Variants in NCK2 observed in about 807,000 individuals in gnomAD.
NCK2 encodes cytoplasmic protein NCK2.
Under a neutral mutation model 33.9 loss-of-function variants are expected in NCK2, and 16 were observed. That is an observed-to-expected ratio of 0.47 (90% CI 0.32 to 0.72). The LOEUF is 0.72. NCK2 is among the 30% of genes least tolerant of loss of function. The pLI is 0.03. For synonymous variants in NCK2, 273 were observed against 239.9 expected, an observed-to-expected ratio of 1.14 and a Z score of -1.27; for missense variants, 418 against 537.3, an observed-to-expected ratio of 0.78 and a Z score of 2.19.
At chr2:105,806,582 A>G (rs1675054271) in intron 1 of NCK2, among the ~76,000 whole-genome samples, 1 of 152,128 alleles carries the variant, frequency 6.6e-6, no homozygotes. Context: ...GATTGTTTCC[A>G]TATCTTTATT....
Position 105,835,424 on chromosome 2 carries a change from T to TA in NCK2, c.-17+18811_-17+18812insA, listed in dbSNP as rs1553458625. Among the ~76,000 whole-genome samples the TA allele has an allele frequency of 2.4e-3, 293 of 122,492 alleles. 10 individuals carry two copies. The highest frequency in any genetic ancestry group is 4.5e-3 in the African/African-American group (161 of 35,566). 80.4% of individuals were successfully genotyped at this position (122,492 alleles called of 152,430 possible). A position where few individuals can be genotyped will look rare whatever the true frequency, so the allele number is the denominator to read the frequency against. Reference sequence around the variant, plus strand: ...ATATATACGTGTATATATATATATATTTTTTTTTTGGTCAGCATTTTGAAT... The same window carrying TA: ...ATATATACGTGTATATATATATATATATTTTTTTTTGGTCAGCATTTTGAAT... On this transcript the variant is annotated intron_variant, in intron 2 of 4. Coordinates refer to ENST00000233154, the MANE Select transcript of NCK2 (RefSeq NM_003581.5).
chr2:105,793,779 A>C (rs1459255302), intron 1 of NCK2, among the ~76,000 whole-genome samples: 1 of 152,164 alleles, frequency 6.6e-6, no homozygotes, highest in African/African-American at 2.4e-5. Context: ...TGTAGTCCTT[A>C]ATAATCACAC....
intron 1 of NCK2, among the ~76,000 whole-genome samples, chr2:105,770,124 T>TAAAAA (rs76726445): frequency 1.6e-5 from 2 of 126,754 alleles, no homozygotes; most frequent in African/African-American, 5.6e-5. Context: ...CACTAATAAG[T>TAAAAA]AAAAAAAAAA....
chr2:105,768,216 T>C (rs572133828), intron 1 of NCK2, among the ~76,000 whole-genome samples: 1 of 152,292 alleles, frequency 6.6e-6, no homozygotes, highest in South Asian at 2.1e-4. Context: ...TAGAGTCCAG[T>C]GTGTGTTTGC....
intron 1 of NCK2, among the ~76,000 whole-genome samples, chr2:105,794,559 A>G (rs757239739): frequency 2.6e-5 from 4 of 152,146 alleles, no homozygotes; most frequent in Non-Finnish European, 5.9e-5. Flanking sequence ...CACAGGGGAA[A>G]TACAGTCCAA....
intron 1 of NCK2, among the ~76,000 whole-genome samples, chr2:105,762,969 C>T (rs999755672): frequency 1.3e-5 from 2 of 152,142 alleles, no homozygotes; most frequent in African/African-American, 2.4e-5. Flanking sequence ...CCGACGTAGG[C>T]GGATTGCCTG....
intron 1 of NCK2, among the ~76,000 whole-genome samples, chr2:105,805,282 C>T (rs1350829519): frequency 1.3e-5 from 2 of 152,074 alleles, no homozygotes; most frequent in African/African-American, 2.4e-5. Context: ...ATAGCAGACG[C>T]GAGGGCAAAG....
chr2:105,854,245 C>G (rs1677174559), intron 2 of NCK2, among the ~76,000 whole-genome samples: 1 of 152,142 alleles, frequency 6.6e-6, no homozygotes, highest in Non-Finnish European at 1.5e-5. Context: ...GTTTATGTAT[C>G]TATAAACTGT....
At chr2:105,874,080 T>A (rs1405624434) in intron 3 of NCK2, among the ~76,000 whole-genome samples, 1 of 152,176 alleles carries the variant, frequency 6.6e-6, no homozygotes, top group Admixed American at 6.5e-5. Flanking sequence ...CTGAACAGAT[T>A]AAGACAATAG....
In NCK2 at chr2:105,881,926, G is replaced by A. The variant is rs756202194; in HGVS notation, c.825G>A (p.Ser275=). The change falls in exon 4 of 5, where the codon TCG becomes TCA. Residue 275 remains serine (S), a synonymous_variant. Coordinates refer to ENST00000233154, the MANE Select transcript of NCK2 (RefSeq NM_003581.5). The part of the protein sequence containing the change: ...HAPQISYTGP[S]SSGRFAGREW... ...CACAGATAAGCTACACCGGGCCCTCGTCCAGCGGGCGCTTCGCGGGCAGAG... is the reference window on the plus strand; with the variant it reads ...CACAGATAAGCTACACCGGGCCCTCATCCAGCGGGCGCTTCGCGGGCAGAG... 27 of 1,562,626 alleles carry A rather than the reference G, an allele frequency of 1.7e-5. No individual in the cohort carries two copies. The South Asian group carries it at 3.0e-4, about 18-fold the overall frequency.
chr2:105,754,603 G>C (rs975460396), intron 1 of NCK2, among the ~76,000 whole-genome samples: 1 of 151,572 alleles, frequency 6.6e-6, no homozygotes, highest in African/African-American at 2.4e-5. Flanking sequence ...TTAAAAGCTT[G>C]TATTCCTGTT....
At chr2:105,858,059 T>TG (rs1677360859) in intron 3 of NCK2, among the ~76,000 whole-genome samples, 2 of 37,066 alleles carry the variant, frequency 5.4e-5, no homozygotes, top group Non-Finnish European at 2.1e-4. Context: ...TTTTTTTTTG[T>TG]TTTTTTTTTT....
chr2:105,806,644 G>A (rs1394622040), intron 1 of NCK2, among the ~76,000 whole-genome samples: 1 of 151,948 alleles, frequency 6.6e-6, no homozygotes, highest in Non-Finnish European at 1.5e-5. Context: ...CACATTTGAT[G>A]GAATTTTATG....
intron 4 of NCK2, among the ~76,000 whole-genome samples, chr2:105,888,546 G>C (rs1310269284): frequency 2.0e-5 from 3 of 152,194 alleles, no homozygotes; most frequent in Admixed American, 1.3e-4. Context: ...ATTGTAATGA[G>C]TGTCCTGTCC....
intron 3 of NCK2, among the ~76,000 whole-genome samples, chr2:105,872,327 C>A (rs1405070688): frequency 6.6e-6 from 1 of 152,134 alleles, no homozygotes; most frequent in Non-Finnish European, 1.5e-5. Context: ...ACAGTGTGGC[C>A]CTAACACCTC....
rs139922717 is a variant in NCK2 at position 105,793,364 on chromosome 2, G to A, written c.-200-23066G>A. On this transcript the variant is annotated intron_variant, in intron 1 of 4. Transcript: ENST00000233154. ...TTTAGTATGGAAATTAGATGATAAT[G>A]AAGTTAAAGGTTCTTCAGAGGTCAG... is the stretch of plus-strand genomic sequence containing the variant. 1.9e-3 allele frequency among the ~76,000 whole-genome samples: 286 copies of A among 152,282 alleles called. 3 individuals carry two copies. The highest frequency in any genetic ancestry group is 6.7e-3 in the African/African-American group (279 of 41,568).
chr2:105,818,405 T>C (rs1198468261), intron 2 of NCK2, among the ~76,000 whole-genome samples: 2 of 151,852 alleles, frequency 1.3e-5, no homozygotes, highest in African/African-American at 4.8e-5. Context: ...TTTGCACATG[T>C]ACCCTAGAAC....
At chr2:105,854,760 A>G (rs1677194181) in intron 2 of NCK2, 1 of 291,376 alleles carries the variant, frequency 3.4e-6, no homozygotes, top group Non-Finnish European at 6.7e-6. Flanking sequence ...TCATTTAATT[A>G]TAATGTTATT....
intron 2 of NCK2, among the ~76,000 whole-genome samples, chr2:105,841,101 C>T (rs754039101): frequency 4.6e-5 from 7 of 152,196 alleles, no homozygotes; most frequent in Non-Finnish European, 8.8e-5. Flanking sequence ...TTTCTTCCAC[C>T]TACCCAGAGA....
Sources: allele counts gnomAD v4.1 joint callset (sites outside exome capture counted in the v4.1 genomes callset), GRCh38; gene constraint gnomAD v4.1.1; transcripts MANE v1.5; gene names NCBI Gene and HGNC (gene_info 2026-07-23, HGNC 2026-07-21).